The following RTTN variants were observed in gnomAD, a reference collection of about 807,000 sequenced individuals.
RTTN encodes the protein rotatin.
Under a neutral mutation model 269.2 loss-of-function variants are expected in RTTN, and 182 were observed. The ratio of observed to expected loss-of-function variants is 0.68; its 90% confidence interval spans 0.60 to 0.76. The LOEUF (loss-of-function observed/expected upper bound fraction) is 0.76. RTTN is among the 30% of genes least tolerant of loss of function. RTTN has a pLI of 0.00. For missense variants in RTTN, 2,545 were observed against 2,608.6 expected, an observed-to-expected ratio of 0.98 and a Z score of 0.53; for synonymous variants, 1,006 against 963.5, an observed-to-expected ratio of 1.04 and a Z score of -0.82.
chr18:70,145,309 T>C (rs914442112), intron 18 of RTTN, among the ~76,000 whole-genome samples: 8 of 152,142 alleles, frequency 5.3e-5, no homozygotes, highest in Non-Finnish European at 7.3e-5. Flanking sequence ...GTAATAACAA[T>C]AGAAATAAAG....
chr18:70,042,866 A>C (rs987658805), intron 40 of RTTN, among the ~76,000 whole-genome samples: 3 of 152,210 alleles, frequency 2.0e-5, no homozygotes, highest in Non-Finnish European at 4.4e-5. Context: ...CTGAAAGCTA[A>C]GGGAGAAGAG....
chr18:70,165,286 A>C (rs114805169), intron 14 of RTTN, among the ~76,000 whole-genome samples: 2,939 of 151,576 alleles, frequency 0.019, 92 homozygotes, highest in African/African-American at 0.066. Context: ...AAAATTCTTT[A>C]AATTATTTAA....
intron 40 of RTTN, among the ~76,000 whole-genome samples, chr18:70,041,171 C>G (rs1251010443): frequency 6.6e-6 from 1 of 151,552 alleles, no homozygotes; most frequent in Non-Finnish European, 1.5e-5. Flanking sequence ...TCGGGCCACG[C>G]TGCACTCCAG....
intron 10 of RTTN, among the ~76,000 whole-genome samples, chr18:70,184,707 TTTTTTTTTTTGTGTGTGTG>T (rs2061496714): frequency 1.6e-5 from 1 of 60,728 alleles, no homozygotes; most frequent in African/African-American, 6.0e-5. Context: ...CAGCAGGTTT[TTTTTTTTTTTGTGTGTGTG>T]TGTGTGTGTG....
intron 3 of RTTN, among the ~76,000 whole-genome samples, chr18:70,203,347 C>T (rs283253): frequency 0.097 from 14,746 of 152,004 alleles, 1,515 homozygotes; most frequent in African/African-American, 0.26. Context: ...GGATTACAGG[C>T]GCCCGCCACT....
chr18:70,124,245 G>A (rs750491835), intron 25 of RTTN, among the ~76,000 whole-genome samples: 8 of 151,998 alleles, frequency 5.3e-5, no homozygotes, highest in South Asian at 2.1e-4. Flanking sequence ...AAAAACTTAC[G>A]AATAATCACA....
intron 11 of RTTN, 116 bp downstream of exon 11, chr18:70,176,559 G>A (rs2061306520): frequency 1.1e-6 from 1 of 871,006 alleles, no homozygotes. Flanking sequence ...CACTTATTTT[G>A]AAAATGGCCT....
Position 70,183,104 on chromosome 18 carries a change from G to T in RTTN, c.1305+5004C>A, listed in dbSNP as rs535969511. 9.2e-5 allele frequency among the ~76,000 whole-genome samples: 14 copies of T among 152,288 alleles called. No homozygotes were observed. The South Asian group carries it at 2.7e-3, about 29-fold the overall frequency. On this transcript the variant is annotated intron_variant, in intron 10 of 48. Coordinates refer to ENST00000640769, the MANE Select transcript of RTTN (RefSeq NM_173630.4). ...TTCCCCAGAAATCAACTAGAAAGTG[G>T]CATAGTGTCATTGCAGGACTGTGAT...
At chr18:70,011,047 G>T (rs555083419) in intron 46 of RTTN, among the ~76,000 whole-genome samples, 1 of 152,074 alleles carries the variant, frequency 6.6e-6, no homozygotes, top group Non-Finnish European at 1.5e-5. Context: ...GGAAGAAGTC[G>T]AATCCCTGAA....
In RTTN at chr18:70,017,516, T is replaced by C. The variant is rs765307621; in HGVS notation, c.6312A>G (p.Leu2104=). ...MILRLDGCLD[L]LTEMSKYKHK... ...GCTTGTATTTGCTCATCTCTGTTAG[T>C]AAGTCTAGACAGCCATCAAGCCTCA... Residue 2104 remains leucine (L), a synonymous_variant, in exon 46 of 49, where the codon TTA becomes TTG. Coordinates refer to ENST00000640769, the MANE Select transcript of RTTN (RefSeq NM_173630.4). 3.7e-6 allele frequency: 6 copies of C among 1,614,076 alleles called. No individual in the cohort carries two copies. The highest frequency in any genetic ancestry group is 3.3e-5 in the Admixed American group (2 of 60,016).
Position 70,065,936 on chromosome 18 carries a change from A to G in RTTN, c.4654-14T>C. 6.4e-7 allele frequency: 1 copy of G among 1,551,260 alleles called. No homozygotes were observed. The highest frequency in any genetic ancestry group is 8.8e-7 in the Non-Finnish European group (1 of 1,140,356). On this transcript the variant is annotated splice_polypyrimidine_tract_variant and intron_variant, in intron 34 of 48. Coordinates refer to ENST00000640769, the MANE Select transcript of RTTN (RefSeq NM_173630.4). ...TGAAGGTGCCACCTATGAATCAGTA[A>G]ATTATTTTACTTATTAATGTTACAG...
intron 37 of RTTN, among the ~76,000 whole-genome samples, chr18:70,054,671 A>G (rs1283289873): frequency 3.9e-5 from 6 of 152,098 alleles, no homozygotes; most frequent in Admixed American, 2.0e-4. Flanking sequence ...TGTTTCCACA[A>G]AAAATATAAA....
intron 32 of RTTN, among the ~76,000 whole-genome samples, chr18:70,080,784 T>C (rs1325278296): frequency 6.6e-6 from 1 of 152,160 alleles, no homozygotes; most frequent in Non-Finnish European, 1.5e-5. Context: ...CACTACTGGG[T>C]ATCTACCCAG....
chr18:70,171,487 G>A (rs1196577622), intron 11 of RTTN, among the ~76,000 whole-genome samples: 2 of 152,092 alleles, frequency 1.3e-5, no homozygotes, highest in African/African-American at 2.4e-5. Context: ...TTCACCCTGC[G>A]TACTTGTATT....
chr18:70,198,650 T>A (rs1338576835), intron 5 of RTTN, among the ~76,000 whole-genome samples: 1 of 152,222 alleles, frequency 6.6e-6, no homozygotes, highest in Non-Finnish European at 1.5e-5. Flanking sequence ...TATTTACTCT[T>A]GTGGGTAGCA....
Position 70,150,684 on chromosome 18 carries a change from T to C in RTTN, c.1979A>G (p.Asn660Ser), listed in dbSNP as rs755371922. 2 of 1,610,506 alleles carry C rather than the reference T, an allele frequency of 1.2e-6. No homozygotes were observed. Among genetic ancestry groups the C allele is most frequent in the Admixed American group, 3.3e-5 (2 of 59,968 alleles). The change falls in exon 15 of 49, where the codon AAT becomes AGT. Residue 660 changes from asparagine (N) to serine (S), a missense_variant. Coordinates refer to ENST00000640769, the MANE Select transcript of RTTN (RefSeq NM_173630.4). ...NVTKPVSSLC[N>S]GIHFLLHPKV... is the part of the protein sequence containing the mutation. ...TGGATGAAGTAGAAAATGAATTCCA[T>C]TGCAAAGTGAAGACACGGGTTTAGT...
intron 35 of RTTN, 107 bp from the exon 36 acceptor site, chr18:70,060,149 T>C (rs1234870604): frequency 1.9e-6 from 2 of 1,032,858 alleles, no homozygotes; most frequent in African/African-American, 1.6e-5. Flanking sequence ...TAATGTATAG[T>C]TGGGGAATTG....
intron 40 of RTTN, among the ~76,000 whole-genome samples, chr18:70,043,991 T>C (rs1024612826): frequency 3.9e-5 from 6 of 152,208 alleles, no homozygotes; most frequent in African/African-American, 1.2e-4. Context: ...ATCAAGACGA[T>C]ATACAGAGCA....
chr18:70,127,414 ATAGACTCT>A, intron 25 of RTTN, 80 bp downstream of exon 25: 1 of 1,467,054 alleles, frequency 6.8e-7, no homozygotes, highest in Non-Finnish European at 9.2e-7. Flanking sequence ...CAGTAAGGGC[ATAGACTCT>A]TATCTTCAAA....
Sources: allele counts gnomAD v4.1 joint callset (sites outside exome capture counted in the v4.1 genomes callset), GRCh38; gene constraint gnomAD v4.1.1; transcripts MANE v1.5; gene names NCBI Gene and HGNC (gene_info 2026-07-23, HGNC 2026-07-21).